Variants in NNMT observed in about 807,000 individuals in gnomAD.
NNMT encodes the protein nicotinamide N-methyltransferase.
Under a neutral mutation model 11.7 loss-of-function variants are expected in NNMT, and 10 were observed. The observed-to-expected ratio is 0.85, with a 90% confidence interval of 0.53 to 1.45. The LOEUF is 1.45. Ranked by LOEUF, NNMT falls within the 40% of genes most tolerant of loss-of-function variation. The pLI is 0.00. For synonymous variants in NNMT, 143 were observed against 133.8 expected (o/e 1.07, Z -0.48); for missense variants, 381 against 319.4 (o/e 1.19, Z -1.47).
At chr11:114,259,352 G>T (rs111796032) in intron 1 of NNMT, among the ~76,000 whole-genome samples, 2,249 of 150,192 alleles carry the variant, frequency 0.015, 133 homozygotes, top group African/African-American at 0.052. Flanking sequence ...CCCAGTGGGG[G>T]GGGGGGAGCT....
intron 2 of NNMT, among the ~76,000 whole-genome samples, chr11:114,300,441 G>T (rs1184590934): frequency 6.6e-6 from 1 of 152,094 alleles, no homozygotes; most frequent in African/African-American, 2.4e-5. Context: ...TCTGCATATG[G>T]TCTATCTCAG....
chr11:114,306,674 T>C (rs752567266), intron 2 of NNMT, among the ~76,000 whole-genome samples: 12 of 152,216 alleles, frequency 7.9e-5, no homozygotes, highest in Non-Finnish European at 1.3e-4. Flanking sequence ...TGTGGTATTA[T>C]TTCTGAGGGC....
At chr11:114,306,287 C>T (rs1467120691) in intron 2 of NNMT, among the ~76,000 whole-genome samples, 5 of 152,152 alleles carry the variant, frequency 3.3e-5, no homozygotes, top group African/African-American at 1.2e-4. Context: ...ATTTCTCTCC[C>T]ATTCTGTAGG....
chr11:114,289,416 A>G (rs1333290970), intron 2 of NNMT, among the ~76,000 whole-genome samples: 50 of 151,936 alleles, frequency 3.3e-4, no homozygotes, highest in Admixed American at 3.3e-3. Flanking sequence ...ACTTTTGTCT[A>G]TTTTGCTGCT....
At chr11:114,271,931 T>G (rs1945173159) in intron 2 of NNMT, among the ~76,000 whole-genome samples, 1 of 147,104 alleles carries the variant, frequency 6.8e-6, no homozygotes, top group East Asian at 2.0e-4. Context: ...AGCCTGGGGG[T>G]TGGTTGAGGG....
chr11:114,273,275 G>T (rs1945185884), intron 2 of NNMT, among the ~76,000 whole-genome samples: 1 of 152,206 alleles, frequency 6.6e-6, no homozygotes, highest in Non-Finnish European at 1.5e-5. Flanking sequence ...GATGGCGAGA[G>T]GCGCTTCTTG....
At chr11:114,285,083 C>A (rs1236118660) in intron 2 of NNMT, among the ~76,000 whole-genome samples, 1 of 152,080 alleles carries the variant, frequency 6.6e-6, no homozygotes, top group Non-Finnish European at 1.5e-5. Flanking sequence ...TCCCATCACG[C>A]TTCTTCTTCC....
chr11:114,296,651 C>T lies in NNMT; in HGVS notation c.95C>T (p.Ser32Phe). ...EKYYKFGSRHSAESQILKHLL... is the reference protein window; with the variant it reads ...EKYYKFGSRHFAESQILKHLL... ...TATTACAAGTTTGGTTCTAGGCACTCTGCAGAAAGCCAGATTCTTAAGCAC... is the reference window on the plus strand; with the variant it reads ...TATTACAAGTTTGGTTCTAGGCACTTTGCAGAAAGCCAGATTCTTAAGCAC... Residue 32 changes from serine to phenylalanine, a missense_variant, in exon 1 of 3, where the codon TCT (serine) becomes TTT (phenylalanine). By Grantham distance (155) the Ser-to-Phe change is radical. Coordinates refer to ENST00000299964, the MANE Select transcript of NNMT (RefSeq NM_006169.3). The T allele has an allele frequency of 6.2e-7, 1 of 1,614,214 alleles. No homozygotes were observed. Among genetic ancestry groups the T allele is most frequent in the Middle Eastern group, 1.6e-4 (1 of 6,062 alleles).
chr11:114,282,037 G>A (rs1945266598), intron 2 of NNMT, among the ~76,000 whole-genome samples: 1 of 151,274 alleles, frequency 6.6e-6, no homozygotes, highest in South Asian at 2.1e-4. Flanking sequence ...CCCCAGCCTG[G>A]GCAATGTAGT....
upstream of NNMT, among the ~76,000 whole-genome samples, chr11:114,293,541 G>A (rs1419600341): frequency 2.0e-5 from 3 of 147,114 alleles, no homozygotes; most frequent in Non-Finnish European, 3.0e-5. Context: ...TTTTAACTGA[G>A]GTGAGATCAT....
intron 2 of NNMT, among the ~76,000 whole-genome samples, chr11:114,288,170 G>A (rs2847493): frequency 0.97 from 148,465 of 152,286 alleles, 72,483 homozygotes; most frequent in East Asian, 1. Context: ...TCTGCTAATA[G>A]TAACAGTTTT....
intron 2 of NNMT, among the ~76,000 whole-genome samples, chr11:114,265,181 G>A (rs796166038): frequency 1.7e-4 from 26 of 152,246 alleles, no homozygotes; most frequent in African/African-American, 6.0e-4. Flanking sequence ...CATATGAAAA[G>A]GCACTTTTTA....
chr11:114,283,340 T>C (rs1017895680), intron 2 of NNMT, among the ~76,000 whole-genome samples: 4 of 152,096 alleles, frequency 2.6e-5, no homozygotes, highest in African/African-American at 7.2e-5. Flanking sequence ...CATGAAGCAG[T>C]GGGTCACATA....
chr11:114,287,779 A>G (rs1945309349), intron 2 of NNMT, among the ~76,000 whole-genome samples: 1 of 152,296 alleles, frequency 6.6e-6, no homozygotes. Context: ...CCAAAAAACT[A>G]TTGGGATTTT....
chr11:114,298,360 G>A, intron 2 of NNMT: 2 of 567,230 alleles, frequency 3.5e-6, no homozygotes, highest in South Asian at 2.1e-5. Context: ...GTGCACCAGA[G>A]TAATGGAAGA....
upstream of NNMT, among the ~76,000 whole-genome samples, chr11:114,295,516 C>A (rs1945367655): frequency 6.6e-6 from 1 of 151,188 alleles, no homozygotes; most frequent in Non-Finnish European, 1.5e-5. Flanking sequence ...GCTCCGCCCC[C>A]CGGGTTCATG....
chr11:114,272,232 C>T (rs551677698), intron 2 of NNMT, among the ~76,000 whole-genome samples: 7 of 152,206 alleles, frequency 4.6e-5, no homozygotes, highest in African/African-American at 1.4e-4. Context: ...GCCCATAGCC[C>T]GCCTGGACTA....
upstream of NNMT, among the ~76,000 whole-genome samples, chr11:114,291,467 G>T (rs1945334407): frequency 6.6e-6 from 1 of 152,208 alleles, no homozygotes; most frequent in South Asian, 2.1e-4. Context: ...AAGGCTTGAG[G>T]AGGAGGAAGG....
Position 114,312,304 on chromosome 11 carries a change from G to A in NNMT, c.622G>A (p.Glu208Lys), listed in dbSNP as rs763727681. 3.6e-5 allele frequency: 58 copies of A among 1,614,238 alleles called. No individual in the cohort carries two copies. The highest frequency in any genetic ancestry group is 1.6e-4 in the Middle Eastern group (1 of 6,062). Residue 208 changes from glutamate to lysine, a missense_variant, in exon 3 of 3, where the codon GAG (glutamate) becomes AAG (lysine). Glu to Lys is a moderately conservative substitution (Grantham distance 56). Coordinates refer to ENST00000299964, the MANE Select transcript of NNMT (RefSeq NM_006169.3). ...ALKSSYYMIGEQKFSSLPLGR... is the reference protein window; with the variant it reads ...ALKSSYYMIGKQKFSSLPLGR... The stretch of plus-strand genomic sequence containing the variant: ...CAAGAGCAGCTACTACATGATTGGT[G>A]AGCAGAAGTTCTCCAGCCTCCCCCT...
Sources: allele counts gnomAD v4.1 joint callset (sites outside exome capture counted in the v4.1 genomes callset), GRCh38; gene constraint gnomAD v4.1.1; transcripts MANE v1.5; gene names NCBI Gene and HGNC (gene_info 2026-07-23, HGNC 2026-07-21).